Variants in CNTN4 observed in about 807,000 individuals in gnomAD.
CNTN4 encodes contactin 4, also known as contactin-4.
In CNTN4, 77 loss-of-function variants were observed where a neutral mutation model predicts 122.5. The ratio of observed to expected loss-of-function variants is 0.63; its 90% CI spans 0.52 to 0.76. CNTN4 has a LOEUF of 0.76. CNTN4 is among the 30% of genes least tolerant of loss of function. The probability of loss-of-function intolerance (pLI) is 0.00; values close to 1 mark genes in which losing one functional copy is unlikely to be tolerated. For missense variants in CNTN4, 1,256 were observed against 1,259.1 expected, an observed-to-expected ratio of 1.00 and a Z score of 0.04; for synonymous variants, 512 against 447.0, an observed-to-expected ratio of 1.15 and a Z score of -1.83.
At chr3:2,687,691 T>C (rs2150554260) in intron 4 of CNTN4, among the ~76,000 whole-genome samples, 1 of 152,320 alleles carries the variant, frequency 6.6e-6, no homozygotes, top group East Asian at 1.9e-4. Flanking sequence ...ATGCCTTTGA[T>C]TTCATTCTCT....
chr3:2,816,876 C>T (rs560887392), intron 6 of CNTN4, among the ~76,000 whole-genome samples: 51 of 146,782 alleles, frequency 3.5e-4, no homozygotes, highest in African/African-American at 1.2e-3. Context: ...CCACCTGTAT[C>T]CCAATAACTG....
chr3:2,233,179 C>T lies in CNTN4; in HGVS notation c.-144-105999C>T, dbSNP rs546720263. Among the ~76,000 whole-genome samples the T allele has an allele frequency of 3.0e-3, 455 of 152,152 alleles. 3 individuals carry two copies. Among genetic ancestry groups the T allele is most frequent in the African/African-American group, 0.011 (437 of 41,506 alleles). On this transcript the variant is annotated intron_variant, in intron 2 of 24. Transcript: ENST00000418658. Reference sequence around the variant, plus strand: ...TTATTAAACATATACCCACAGAAACCCCAAAGAGAAGCTAATAATTGATGG... The same window carrying T: ...TTATTAAACATATACCCACAGAAACTCCAAAGAGAAGCTAATAATTGATGG...
At chr3:2,271,678 T>C (rs889168095) in intron 2 of CNTN4, among the ~76,000 whole-genome samples, 20 of 152,114 alleles carry the variant, frequency 1.3e-4, no homozygotes, top group African/African-American at 4.3e-4. Flanking sequence ...TATCAGTGCT[T>C]CTGGGTGTGG....
chr3:2,393,548 A>G (rs1233233071), intron 3 of CNTN4, among the ~76,000 whole-genome samples: 1 of 152,160 alleles, frequency 6.6e-6, no homozygotes. Context: ...TATTCTAGGG[A>G]GATATGCACT....
intron 4 of CNTN4, among the ~76,000 whole-genome samples, chr3:2,707,783 A>G (rs1425083627): frequency 6.6e-6 from 1 of 152,050 alleles, no homozygotes; most frequent in Non-Finnish European, 1.5e-5. Context: ...TGCTGCACAT[A>G]CCACCACACC....
chr3:2,802,219 C>T (rs550144151), intron 6 of CNTN4, among the ~76,000 whole-genome samples: 1 of 152,294 alleles, frequency 6.6e-6, no homozygotes, highest in African/African-American at 2.4e-5. Context: ...ATAACCCTCA[C>T]ATCAATCCTT....
chr3:2,220,655 C>T (rs1040538589), intron 2 of CNTN4, among the ~76,000 whole-genome samples: 1 of 152,058 alleles, frequency 6.6e-6, no homozygotes, highest in African/African-American at 2.4e-5. Context: ...GTTTGATCAT[C>T]TGAAAAAAGG....
chr3:2,895,028 C>A (rs2094091288), intron 10 of CNTN4, among the ~76,000 whole-genome samples: 1 of 152,090 alleles, frequency 6.6e-6, no homozygotes, highest in Non-Finnish European at 1.5e-5. Context: ...GAGACAGGGT[C>A]TTGCTCTGTC....
chr3:2,205,670 A>G (rs2038308338), intron 2 of CNTN4, among the ~76,000 whole-genome samples: 1 of 152,116 alleles, frequency 6.6e-6, no homozygotes, highest in Admixed American at 6.6e-5. Flanking sequence ...GTGCTCATGC[A>G]ATTTTAAAAC....
chr3:2,382,473 C>T (rs1439015037), intron 3 of CNTN4, among the ~76,000 whole-genome samples: 2 of 152,018 alleles, frequency 1.3e-5, no homozygotes, highest in Non-Finnish European at 2.9e-5. Flanking sequence ...ATTTGTTAGT[C>T]TGAGTTTAGA....
chr3:2,559,453 C>T (rs1009131722), intron 3 of CNTN4, among the ~76,000 whole-genome samples: 12 of 152,200 alleles, frequency 7.9e-5, no homozygotes, highest in African/African-American at 2.9e-4. Flanking sequence ...CCTCCAAGCC[C>T]CGCTTTCCTC....
chr3:2,257,601 AC>A (rs2040652183), intron 2 of CNTN4, among the ~76,000 whole-genome samples: 1 of 152,166 alleles, frequency 6.6e-6, no homozygotes, highest in East Asian at 1.9e-4. Flanking sequence ...GAAAAAAGCA[AC>A]CCCATCAAAA....
At chr3:2,705,086 G>T (rs1352427230) in intron 4 of CNTN4, among the ~76,000 whole-genome samples, 2 of 151,410 alleles carry the variant, frequency 1.3e-5, no homozygotes, top group South Asian at 2.1e-4. Context: ...AATTCCAAAG[G>T]CATGGTACAG....
chr3:3,047,251 T>G (rs1574927833), intron 23 of CNTN4, among the ~76,000 whole-genome samples: 1 of 152,072 alleles, frequency 6.6e-6, no homozygotes, highest in East Asian at 1.9e-4. Context: ...ATCCAGGAAT[T>G]GAACTCAGCT....
At chr3:2,199,389 G>T (rs1269057306) in intron 2 of CNTN4, among the ~76,000 whole-genome samples, 2 of 151,858 alleles carry the variant, frequency 1.3e-5, no homozygotes, top group Non-Finnish European at 2.9e-5. Flanking sequence ...TTCTACTGCA[G>T]AGATCCCTCC....
rs1186477852 is a variant in CNTN4 at position 3,038,989 on chromosome 3, G to C, written c.2149G>C (p.Val717Leu). The change falls in exon 19 of 25, where the codon GTT (valine) becomes CTT (leucine). Residue 717 changes from valine (V) to leucine (L), a missense_variant. Transcript: ENST00000418658. ...TGGCGGAGGCAGCAAATCTGAACTG[G>C]TTATAACCTGGGAGGTAAATGAATC... is the stretch of plus-strand genomic sequence containing the variant. Reference protein sequence around the residue: ...SGGGGSKSELVITWETVPEEL... With the variant: ...SGGGGSKSELLITWETVPEEL... 1.2e-6 allele frequency: 2 copies of C among 1,613,828 alleles called. No homozygotes were observed. Among genetic ancestry groups the C allele is most frequent in the East Asian group, 4.5e-5 (2 of 44,882 alleles).
At chr3:2,902,284 C>T (rs951303752) in intron 11 of CNTN4, among the ~76,000 whole-genome samples, 3 of 152,202 alleles carry the variant, frequency 2.0e-5, no homozygotes, top group Admixed American at 6.5e-5. Context: ...CACGTACTAA[C>T]TTTGCCCCCT....
At chr3:2,111,363 C>A (rs1022084810) in intron 2 of CNTN4, among the ~76,000 whole-genome samples, 3 of 152,062 alleles carry the variant, frequency 2.0e-5, no homozygotes, top group Non-Finnish European at 4.4e-5. Flanking sequence ...AGAGAAGAAC[C>A]TTTTCCTGTT....
chr3:3,014,879 G>GTTTTTT (rs5846238), intron 14 of CNTN4, among the ~76,000 whole-genome samples: 21 of 121,544 alleles, frequency 1.7e-4, no homozygotes, highest in Non-Finnish European at 1.5e-4. Flanking sequence ...CCCTCGATTG[G>GTTTTTT]TTTTTTTTTT....
Sources: gnomAD v4.1 joint callset for allele counts (sites outside exome capture counted in the v4.1 genomes callset) on GRCh38, gnomAD v4.1.1 for gene constraint, MANE v1.5 for transcripts, NCBI Gene and HGNC (gene_info 2026-07-23, HGNC 2026-07-21) for gene names.